The following ERCC4 variants were observed in gnomAD, a reference collection of about 807,000 sequenced individuals.
ERCC4 encodes the protein DNA repair endonuclease XPF.
Under a neutral mutation model 76.9 loss-of-function variants are expected in ERCC4, and 65 were observed. The ratio of observed to expected loss-of-function variants is 0.84; its 90% CI spans 0.69 to 1.04. The LOEUF is 1.04. Among genes scored for constraint, ERCC4 ranks in the 50% least tolerant of loss-of-function variants. ERCC4 has a pLI of 0.00. For missense variants in ERCC4, 1,214 were observed against 1,128.2 expected, an observed-to-expected ratio of 1.08 and a Z score of -1.09; for synonymous variants, 463 against 410.1, an observed-to-expected ratio of 1.13 and a Z score of -1.56.
chr16:13,937,939 G>A, intron 9 of ERCC4, 81 bp downstream of exon 9: 1 of 877,978 alleles, frequency 1.1e-6, no homozygotes, highest in East Asian at 2.5e-5. Context: ...GTCCTGCTCA[G>A]GAAGGATAGG....
intron 9 of ERCC4, among the ~76,000 whole-genome samples, chr16:13,941,565 C>T (rs998362059): frequency 6.6e-6 from 1 of 152,056 alleles, no homozygotes; most frequent in African/African-American, 2.4e-5. Flanking sequence ...CAGAAAGGAA[C>T]AAATCAGGTG....
At chr16:13,933,189 C>T (rs1189662225) in intron 6 of ERCC4, 1 of 206,234 alleles carries the variant, frequency 4.8e-6, no homozygotes, top group African/African-American at 2.4e-5. Context: ...CACTATACTC[C>T]AGCCTGGGTG....
intron 4 of ERCC4, among the ~76,000 whole-genome samples, chr16:13,929,762 G>A (rs1039590571): frequency 6.6e-6 from 1 of 152,086 alleles, no homozygotes; most frequent in African/African-American, 2.4e-5. Context: ...TCAGGAGATC[G>A]AGACCATCCT....
Position 13,948,657 on chromosome 16 carries a change from A to C in ERCC4, c.*310A>C. 1 of 365,062 alleles carries C rather than the reference A, an allele frequency of 2.7e-6. No individual in the cohort carries two copies. The highest frequency in any genetic ancestry group is 4.0e-5 in the South Asian group (1 of 24,886). 22.6% of individuals were successfully genotyped at this position (365,062 alleles called of 1,614,324 possible). ...TTACAGAAGGTAGAAACTTTACCTG[A>C]TCCTAACAGATCTCATTTAGAAAGG... On this transcript the variant is annotated 3_prime_UTR_variant, in exon 11 of 11. Transcript: ENST00000311895.
At chr16:13,921,990 C>T in intron 1 of ERCC4, 41 bp from the exon 2 acceptor site, 1 of 1,418,412 alleles carries the variant, frequency 7.1e-7, no homozygotes, top group South Asian at 1.2e-5. Context: ...AAAAACTGCC[C>T]TGTATTAAAT....
intron 9 of ERCC4, among the ~76,000 whole-genome samples, chr16:13,942,821 A>G (rs1319798473): frequency 6.6e-6 from 1 of 152,244 alleles, no homozygotes; most frequent in Non-Finnish European, 1.5e-5. Context: ...ACAAGTAGAA[A>G]CAAAGTGGGG....
intron 5 of ERCC4, chr16:13,931,874 C>T (rs895240399): frequency 2.6e-6 from 1 of 381,966 alleles, no homozygotes. Flanking sequence ...CTGGAAATGT[C>T]AACGCAGTGA....
Position 13,934,189 on chromosome 16 carries a change from C to T in ERCC4, c.1103-3C>T. ...AGAATGAGATATTTTTATTTCTCTA[C>T]AGAAACAAAAAAGGAACTGGTCCTA... On this transcript the variant is annotated splice_polypyrimidine_tract_variant and splice_region_variant and intron_variant, in intron 6 of 10. Coordinates refer to ENST00000311895, the MANE Select transcript of ERCC4 (RefSeq NM_005236.3). The T allele has an allele frequency of 6.3e-7, 1 of 1,584,352 alleles. No individual in the cohort carries two copies. Among genetic ancestry groups the T allele is most frequent in the Non-Finnish European group, 8.7e-7 (1 of 1,154,494 alleles).
At chr16:13,926,480 G>A in intron 2 of ERCC4, 81 bp from the exon 3 acceptor site, 2 of 1,212,100 alleles carry the variant, frequency 1.7e-6, no homozygotes, top group Non-Finnish European at 2.5e-6. Context: ...TCATTCTCTT[G>A]TAAGTACTTA....
Position 13,947,798 on chromosome 16 carries a change from C to G in ERCC4, c.2202C>G (p.Gly734=). The G allele has an allele frequency of 6.2e-7, 1 of 1,614,222 alleles. No homozygotes were observed. The highest frequency in any genetic ancestry group is 8.5e-7 in the Non-Finnish European group (1 of 1,180,048). The change falls in exon 11 of 11, where the codon GGC becomes GGG. Residue 734 remains glycine, a synonymous_variant. Transcript: ENST00000311895. ...GCAAGAGTATCAGTGATTTAATCGGCTCTTTAAATAACGGCCGCCTCTACA... is the reference window on the plus strand; with the variant it reads ...GCAAGAGTATCAGTGATTTAATCGGGTCTTTAAATAACGGCCGCCTCTACA... The part of the protein sequence containing the change: ...VERKSISDLI[G]SLNNGRLYSQ...
intron 1 of ERCC4, among the ~76,000 whole-genome samples, chr16:13,921,255 G>C (rs2031970349): frequency 6.6e-6 from 1 of 152,184 alleles, no homozygotes; most frequent in Admixed American, 6.5e-5. Flanking sequence ...GAAAGGGATT[G>C]GAGCTTGACG....
intron 10 of ERCC4, among the ~76,000 whole-genome samples, chr16:13,946,124 GTAGCA>G (rs985270099): frequency 2.8e-4 from 42 of 152,290 alleles, no homozygotes; most frequent in African/African-American, 9.6e-4. Context: ...TTCATAGCCA[GTAGCA>G]TAGCATCCTC....
rs1362203221 is a variant in ERCC4 at position 13,949,594 on chromosome 16, T to A, written c.*1247T>A. 8.6e-6 allele frequency: 2 copies of A among 232,670 alleles called. No individual in the cohort carries two copies. The highest frequency in any genetic ancestry group is 1.7e-5 in the Non-Finnish European group (2 of 117,808). The allele number at this position is 232,670 out of a possible 1,614,324, so 14.4% of individuals were successfully genotyped here. On this transcript the variant is annotated 3_prime_UTR_variant, in exon 11 of 11. Transcript: ENST00000311895. ...AAAAGGAGTGTAGGTAAATGAAAGA[T>A]CAATGTATGGAATATATAAAAATAC...
chr16:13,928,705 TC>T (rs2032115580), intron 4 of ERCC4, among the ~76,000 whole-genome samples: 1 of 152,140 alleles, frequency 6.6e-6, no homozygotes, highest in Non-Finnish European at 1.5e-5. Context: ...AGACATCAGT[TC>T]CAGGAATTTT....
chr16:13,940,581 A>T (rs1001625385), intron 9 of ERCC4, among the ~76,000 whole-genome samples: 17 of 152,162 alleles, frequency 1.1e-4, no homozygotes, highest in African/African-American at 3.9e-4. Context: ...CTGAGCCTTG[A>T]GTCCCCACAT....
chr16:13,923,128 C>G (rs1376067457), intron 2 of ERCC4, among the ~76,000 whole-genome samples: 5 of 152,060 alleles, frequency 3.3e-5, no homozygotes, highest in Non-Finnish European at 1.5e-5. Flanking sequence ...TTTCATTATC[C>G]TTTCAAAACC....
At position 13,950,996 on chromosome 16, in the gene ERCC4, A is replaced by G. The variant is rs376328949; in HGVS notation, c.*2649A>G. On this transcript the variant is annotated 3_prime_UTR_variant, in exon 11 of 11. Transcript: ENST00000311895. ...AAGACAGGTGCACTGTCTCGTATGTATTTGAATTATGAACAGTAATTTCTA... is the reference window on the plus strand; with the variant it reads ...AAGACAGGTGCACTGTCTCGTATGTGTTTGAATTATGAACAGTAATTTCTA... The G allele has an allele frequency of 5.2e-6, 1 of 190,554 alleles. No homozygotes were observed. The highest frequency in any genetic ancestry group is 1.9e-4 in the South Asian group (1 of 5,150). The allele number at this position is 190,554 out of a possible 1,614,324, so 11.8% of individuals were successfully genotyped here. A position where few individuals can be genotyped will look rare whatever the true frequency, so the allele number is the denominator to read the frequency against.
chr16:13,934,718 C>T (rs1432041517), intron 7 of ERCC4: 1 of 235,292 alleles, frequency 4.3e-6, no homozygotes, highest in Non-Finnish European at 8.3e-6. Flanking sequence ...AAAGCCTCAA[C>T]TCTTCTATTA....
Position 13,946,407 on chromosome 16 carries a change from T to G in ERCC4, c.2018-1207T>G, listed in dbSNP as rs547675090. ...CAGCATGTTACTGTACTGAATACTC[T>G]AGGCAACTGTAACACAATGGTAAGT... is the stretch of plus-strand genomic sequence containing the variant. On this transcript the variant is annotated intron_variant, in intron 10 of 10. Transcript: ENST00000311895. 1.2e-4 allele frequency among the ~76,000 whole-genome samples: 19 copies of G among 152,338 alleles called. 1 individual carries two copies. In the South Asian group the frequency reaches 3.9e-3, roughly 32 times the overall value.
Sources: gnomAD v4.1 joint callset for allele counts (sites outside exome capture counted in the v4.1 genomes callset) on GRCh38, gnomAD v4.1.1 for gene constraint, MANE v1.5 for transcripts, NCBI Gene and HGNC (gene_info 2026-07-23, HGNC 2026-07-21) for gene names.